The following KMT2C variants were observed in gnomAD, a reference collection of about 807,000 sequenced individuals.
The protein encoded by KMT2C is histone-lysine N-methyltransferase 2C.
Under a neutral mutation model 507.9 loss-of-function variants are expected in KMT2C, and 88 were observed. The observed-to-expected ratio is 0.17, with a 90% CI of 0.15 to 0.21. The LOEUF is 0.21. KMT2C is among the 10% of genes least tolerant of loss of function. The pLI is 1.00. For missense variants in KMT2C, 4,954 were observed against 5,957.8 expected, an observed-to-expected ratio of 0.83 and a Z score of 5.55; for synonymous variants, 2,049 against 2,080.8, an observed-to-expected ratio of 0.98 and a Z score of 0.42.
intron 11 of KMT2C, 103 bp downstream of exon 11, chr7:152,251,836 G>C (rs1480680572): frequency 1.5e-6 from 1 of 687,848 alleles, no homozygotes; most frequent in East Asian, 3.0e-5. Flanking sequence ...ATGGAATCTG[G>C]AATACAGGAT....
At chr7:152,416,109 C>A (rs1289365633) in intron 1 of KMT2C, among the ~76,000 whole-genome samples, 7 of 152,126 alleles carry the variant, frequency 4.6e-5, no homozygotes, top group African/African-American at 1.7e-4. Flanking sequence ...GAGATCAGGG[C>A]TGGGCATGGT....
chr7:152,427,854 TACA>T (rs1246418307), intron 1 of KMT2C, among the ~76,000 whole-genome samples: 2 of 152,202 alleles, frequency 1.3e-5, no homozygotes, highest in East Asian at 3.9e-4. Context: ...GGATGCCTGC[TACA>T]ACATCTATGC....
chr7:152,255,077 G>A (rs2095622547), intron 9 of KMT2C, among the ~76,000 whole-genome samples: 1 of 133,772 alleles, frequency 7.5e-6, no homozygotes, highest in South Asian at 2.3e-4. Flanking sequence ...TGGTTAGGAT[G>A]TCTTAAAATC....
chr7:152,427,003 GTTTTT>G (rs919172600), intron 1 of KMT2C, among the ~76,000 whole-genome samples: 8 of 150,720 alleles, frequency 5.3e-5, no homozygotes, highest in African/African-American at 1.7e-4. Context: ...ACTCCCCAGA[GTTTTT>G]TTTTGTTTTG....
At chr7:152,356,467 T>C (rs976393582) in intron 2 of KMT2C, among the ~76,000 whole-genome samples, 1 of 151,234 alleles carries the variant, frequency 6.6e-6, no homozygotes, top group East Asian at 1.9e-4. Flanking sequence ...TCCCAGCTAC[T>C]CAGAAGGCTG....
intron 6 of KMT2C, among the ~76,000 whole-genome samples, chr7:152,295,942 C>T (rs2096489491): frequency 6.6e-6 from 1 of 151,804 alleles, no homozygotes; most frequent in Non-Finnish European, 1.5e-5. Flanking sequence ...GTGGCGGGTG[C>T]CTATAGTCCC....
intron 1 of KMT2C, among the ~76,000 whole-genome samples, chr7:152,434,965 A>T (rs564089928): frequency 7.1e-4 from 108 of 152,080 alleles, no homozygotes; most frequent in Non-Finnish European, 1.3e-3. Flanking sequence ...AAGCTGGGGG[A>T]TCCCACAGGA....
intron 1 of KMT2C, among the ~76,000 whole-genome samples, chr7:152,384,211 A>C (rs756648809): frequency 6.6e-6 from 1 of 152,150 alleles, no homozygotes; most frequent in Non-Finnish European, 1.5e-5. Flanking sequence ...TACATCATTC[A>C]CTTGGATAAA....
intron 3 of KMT2C, among the ~76,000 whole-genome samples, chr7:152,316,160 A>G (rs2096721024): frequency 6.6e-6 from 1 of 152,186 alleles, no homozygotes; most frequent in South Asian, 2.1e-4. Context: ...CTGAACTGGA[A>G]GAAGGAAAGG....
rs1587596856 is a variant in KMT2C, at chr7:152,139,564, G to T, written c.14460+111C>A. On this transcript the variant is annotated intron_variant, in intron 56 of 58. Transcript: ENST00000262189. ...TATACAGATATGGCTTTTGTTTAAA[G>T]CTGAATGCAGCATGACAGATTTCAT... The T allele has an allele frequency of 9.2e-6, 7 of 760,238 alleles. No homozygotes were observed. The South Asian group carries it at 9.6e-5, about 10-fold the overall frequency. 47.1% of individuals were successfully genotyped at this position (760,238 alleles called of 1,614,324 possible). A position where few individuals can be genotyped will look rare whatever the true frequency, so the allele number is the denominator to read the frequency against.
At chr7:152,345,467 G>A (rs10263545) in intron 2 of KMT2C, among the ~76,000 whole-genome samples, 16,595 of 152,142 alleles carry the variant, frequency 0.11, 2,153 homozygotes, top group African/African-American at 0.31. Flanking sequence ...ATCACTTTGA[G>A]TAACAATGGT....
chr7:152,220,582 T>G lies in KMT2C; in HGVS notation c.3653A>C (p.Gln1218Pro). 6.2e-7 allele frequency: 1 copy of G among 1,611,956 alleles called. No individual in the cohort carries two copies. Among genetic ancestry groups the G allele is most frequent in the Non-Finnish European group, 8.5e-7 (1 of 1,179,780 alleles). The change falls in exon 23 of 59, where the codon CAG becomes CCG. Residue 1218 changes from glutamine to proline, a missense_variant. Transcript: ENST00000262189. ...CTCTGATTGGATGTCTGGAGGGGTC[T>G]GAAGGACGGCCACGCTATTCTGATT... ...IINQNSVAVLQTPPDIQSEHS... is the reference protein window; with the variant it reads ...IINQNSVAVLPTPPDIQSEHS...
chr7:152,301,017 C>T (rs1281445469), intron 6 of KMT2C, among the ~76,000 whole-genome samples: 1 of 151,692 alleles, frequency 6.6e-6, no homozygotes, highest in South Asian at 2.1e-4. Flanking sequence ...GAGATCGCGC[C>T]ACTGCACTCC....
intron 2 of KMT2C, among the ~76,000 whole-genome samples, chr7:152,357,865 A>G (rs2097165089): frequency 6.6e-6 from 1 of 152,224 alleles, no homozygotes; most frequent in African/African-American, 2.4e-5. Flanking sequence ...AATTTTTCTC[A>G]TCTCTTAACT....
chr7:152,213,537 G>A (rs2094502377), intron 23 of KMT2C, among the ~76,000 whole-genome samples: 1 of 151,992 alleles, frequency 6.6e-6, no homozygotes, highest in South Asian at 2.1e-4. Context: ...TGGACCTGAT[G>A]CCTATCTTAC....
chr7:152,362,363 G>T (rs2097204141), intron 1 of KMT2C, among the ~76,000 whole-genome samples: 1 of 151,932 alleles, frequency 6.6e-6, no homozygotes, highest in Non-Finnish European at 1.5e-5. Flanking sequence ...AGCGGTAGGG[G>T]GTAAGAAGGC....
At chr7:152,257,481 A>C (rs1242458671) in intron 9 of KMT2C, among the ~76,000 whole-genome samples, 1 of 152,212 alleles carries the variant, frequency 6.6e-6, no homozygotes, top group East Asian at 1.9e-4. Context: ...TATCTTCTAT[A>C]TTTAAAAAAT....
rs185818249 is a variant in KMT2C, at chr7:152,230,789, G to C, written c.2770-468C>G. ...TTAGATATATCGGTCGAAATGGAAG[G>C]CATTAAAATTAATTTCGCCTGTTCA... On this transcript the variant is annotated intron_variant, in intron 16 of 58. Transcript: ENST00000262189. Among the ~76,000 whole-genome samples, 37 of 152,240 alleles carry C rather than the reference G, an allele frequency of 2.4e-4. No individual in the cohort carries two copies. In the East Asian group the frequency reaches 5.0e-3, roughly 21 times the overall value.
intron 1 of KMT2C, chr7:152,367,774 T>G (rs2097259411): frequency 1.0e-6 from 1 of 1,003,126 alleles, no homozygotes; most frequent in South Asian, 1.3e-5. Context: ...GAGGACTACC[T>G]AAATGCAGAA....
Sources: gnomAD v4.1 joint callset for allele counts (sites outside exome capture counted in the v4.1 genomes callset) on GRCh38, gnomAD v4.1.1 for gene constraint, MANE v1.5 for transcripts, NCBI Gene and HGNC (gene_info 2026-07-23, HGNC 2026-07-21) for gene names.